Variants in MACROD2 observed in about 807,000 individuals in gnomAD.
MACROD2 encodes mono-ADP ribosylhydrolase 2.
Under a neutral mutation model 70.4 loss-of-function variants are expected in MACROD2, and 36 were observed. The observed-to-expected ratio is 0.51, with a 90% confidence interval of 0.39 to 0.68. The LOEUF (loss-of-function observed/expected upper bound fraction) is 0.68, where lower values mean the gene tolerates loss of function less well. Ranked by LOEUF, MACROD2 falls within the 30% of genes least tolerant of loss-of-function variation. The pLI is 0.00. For synonymous variants in MACROD2, 172 were observed against 178.8 expected (o/e 0.96, Z 0.30); for missense variants, 496 against 538.4 (o/e 0.92, Z 0.78).
chr20:15,969,934 A>G (rs116619184), intron 13 of MACROD2, among the ~76,000 whole-genome samples: 4,457 of 150,472 alleles, frequency 0.03, 223 homozygotes, highest in African/African-American at 0.1. Flanking sequence ...AAATATAAAT[A>G]TTATAAATAA....
intron 5 of MACROD2, among the ~76,000 whole-genome samples, chr20:14,873,478 T>G (rs2073512897): frequency 6.6e-6 from 1 of 152,242 alleles, no homozygotes; most frequent in African/African-American, 2.4e-5. Flanking sequence ...AGAATTGAAA[T>G]GAAAATGGAA....
intron 3 of MACROD2, among the ~76,000 whole-genome samples, chr20:14,360,739 A>G (rs1030623929): frequency 6.6e-6 from 1 of 152,232 alleles, no homozygotes; most frequent in Non-Finnish European, 1.5e-5. Context: ...TTAGAAAAGC[A>G]TTTCAGGAAT....
intron 8 of MACROD2, among the ~76,000 whole-genome samples, chr20:15,845,323 A>C (rs2064218511): frequency 6.6e-6 from 1 of 152,290 alleles, no homozygotes; most frequent in Admixed American, 6.5e-5. Flanking sequence ...TCTCAGCACC[A>C]CTTCAAACGC....
At chr20:15,884,511 A>C (rs934999958) in intron 9 of MACROD2, among the ~76,000 whole-genome samples, 1 of 152,082 alleles carries the variant, frequency 6.6e-6, no homozygotes, top group Non-Finnish European at 1.5e-5. Context: ...GGCAGAGGGC[A>C]GTCACTGAAC....
At chr20:14,038,890 C>T (rs776128878) in intron 2 of MACROD2, among the ~76,000 whole-genome samples, 29 of 151,930 alleles carry the variant, frequency 1.9e-4, no homozygotes, top group Non-Finnish European at 3.8e-4. Context: ...ATCTGTTGAA[C>T]GTTAAAACAA....
At chr20:15,935,176 T>C (rs2065640403) in intron 11 of MACROD2, among the ~76,000 whole-genome samples, 1 of 152,324 alleles carries the variant, frequency 6.6e-6, no homozygotes, top group South Asian at 2.1e-4. Context: ...TTGAGATCCT[T>C]TTGCCTGTGA....
rs912618661 is a variant in MACROD2, at chr20:15,930,499, G to T, written c.776-2777G>T. Among the ~76,000 whole-genome samples, 4 of 152,178 alleles carry T rather than the reference G, an allele frequency of 2.6e-5. No homozygotes were observed. The East Asian group carries it at 7.7e-4, about 29-fold the overall frequency. On this transcript the variant is annotated intron_variant, in intron 10 of 17. Coordinates refer to ENST00000684519, the MANE Select transcript of MACROD2 (RefSeq NM_001351661.2). ...CATTGGTTCCCCCTGCTGGATTTGA[G>T]GATGCACTGTCTTGGAAATTGATGA...
rs191117133 is a variant in MACROD2 at position 14,703,766 on chromosome 20, G to A, written c.418+18807G>A. ...TTTTCAGACGAAGTCTGGCTCTGTC[G>A]CCCAGGCTGGAGTGCAATGGCATGA... On this transcript the variant is annotated intron_variant, in intron 5 of 17. Transcript: ENST00000684519. Among the ~76,000 whole-genome samples, 25 of 151,860 alleles carry A rather than the reference G, an allele frequency of 1.6e-4. 1 individual carries two copies. The East Asian group carries it at 3.9e-3, about 24-fold the overall frequency.
intron 4 of MACROD2, among the ~76,000 whole-genome samples, chr20:14,649,845 T>G (rs1334753457): frequency 6.6e-6 from 1 of 152,182 alleles, no homozygotes; most frequent in African/African-American, 2.4e-5. Flanking sequence ...ACACCCAGGC[T>G]TGGTTCTCAT....
intron 3 of MACROD2, among the ~76,000 whole-genome samples, chr20:14,449,564 TACAA>T (rs766809779): frequency 9.3e-4 from 141 of 152,170 alleles, no homozygotes; most frequent in Admixed American, 1.7e-3. Context: ...AAATGTGGAG[TACAA>T]ACAAAGCTGA....
At chr20:15,503,097 A>G (rs2047384322) in intron 8 of MACROD2, among the ~76,000 whole-genome samples, 1 of 152,212 alleles carries the variant, frequency 6.6e-6, no homozygotes, top group Non-Finnish European at 1.5e-5. Context: ...ATTGACAAAA[A>G]TTAGTAATGT....
chr20:15,243,292 T>A (rs1446457783), intron 6 of MACROD2, among the ~76,000 whole-genome samples: 1 of 152,202 alleles, frequency 6.6e-6, no homozygotes, highest in Non-Finnish European at 1.5e-5. Flanking sequence ...CCAATGTATT[T>A]GACAGTTATG....
chr20:14,627,686 C>T (rs1334328848), intron 4 of MACROD2, among the ~76,000 whole-genome samples: 2 of 152,178 alleles, frequency 1.3e-5, no homozygotes, highest in African/African-American at 4.8e-5. Flanking sequence ...TGAATTAGTG[C>T]ACCCAAAAAC....
intron 3 of MACROD2, among the ~76,000 whole-genome samples, chr20:14,266,736 G>T (rs921260260): frequency 6.6e-6 from 1 of 152,292 alleles, no homozygotes; most frequent in Non-Finnish European, 1.5e-5. Context: ...GTTTAGAAGA[G>T]ACTATTTGCT....
At chr20:15,671,049 T>G (rs1221532274) in intron 8 of MACROD2, among the ~76,000 whole-genome samples, 1 of 152,362 alleles carries the variant, frequency 6.6e-6, no homozygotes, top group East Asian at 1.9e-4. Context: ...TGATCTGGTA[T>G]GGGCTGGCTC....
chr20:15,895,370 G>A (rs977674408), intron 10 of MACROD2, among the ~76,000 whole-genome samples: 39 of 152,230 alleles, frequency 2.6e-4, no homozygotes, highest in Admixed American at 2.4e-3. Flanking sequence ...AAATGTGAAT[G>A]TGAGGCACTC....
At chr20:14,041,351 C>A (rs938246651) in intron 2 of MACROD2, among the ~76,000 whole-genome samples, 1 of 152,052 alleles carries the variant, frequency 6.6e-6, no homozygotes, top group Non-Finnish European at 1.5e-5. Flanking sequence ...GTTTGAGGCT[C>A]CTCTAAGGAA....
chr20:15,203,455 A>G (rs2076674600), intron 5 of MACROD2, among the ~76,000 whole-genome samples: 3 of 152,230 alleles, frequency 2.0e-5, no homozygotes, highest in South Asian at 2.1e-4. Context: ...TTCCTTGACT[A>G]TTTGTACTTT....
chr20:15,771,739 C>G (rs571123651), intron 8 of MACROD2, among the ~76,000 whole-genome samples: 1 of 151,972 alleles, frequency 6.6e-6, no homozygotes, highest in African/African-American at 2.4e-5. Flanking sequence ...GACTAGAAAC[C>G]TCTCTTGTTT....
Sources: gnomAD v4.1 joint callset for allele counts (sites outside exome capture counted in the v4.1 genomes callset) on GRCh38, gnomAD v4.1.1 for gene constraint, MANE v1.5 for transcripts, NCBI Gene and HGNC (gene_info 2026-07-23, HGNC 2026-07-21) for gene names.